COL27A1: variants seen among roughly 807,000 people sequenced by gnomAD.
COL27A1 encodes collagen alpha-1(XXVII) chain.
Under a neutral mutation model 251.3 loss-of-function variants are expected in COL27A1, and 106 were observed. That is an observed-to-expected ratio of 0.42 (90% confidence interval 0.36 to 0.50). COL27A1 has a LOEUF of 0.50. COL27A1 is among the 20% of genes least tolerant of loss of function. The pLI is 0.00. For synonymous variants in COL27A1, 1,000 were observed against 986.3 expected (o/e 1.01, Z -0.26); for missense variants, 2,325 against 2,522.8 (o/e 0.92, Z 1.68).
intron 14 of COL27A1, among the ~76,000 whole-genome samples, chr9:114,229,116 G>A (rs889942082): frequency 6.6e-5 from 10 of 152,210 alleles, no homozygotes; most frequent in South Asian, 2.1e-4. Context: ...GAGCCATGGC[G>A]CCACGCTGGG....
Position 114,205,657 on chromosome 9 carries a change from C to T in COL27A1, c.2170-102C>T, listed in dbSNP as rs1050056432. The T allele has an allele frequency of 1.4e-5, 15 of 1,052,372 alleles. No homozygotes were observed. In the African/African-American group the frequency reaches 2.2e-4, roughly 15 times the overall value. The allele number at this position is 1,052,372 out of a possible 1,614,324, so 65.2% of individuals were successfully genotyped here. A position where few individuals can be genotyped will look rare whatever the true frequency, so the allele number is the denominator to read the frequency against. ...CTCCTGTTCCATCTCACATTCCTGC[C>T]CCTCTCTTTATTCATTGTCAGCCCC... On this transcript the variant is annotated intron_variant, in intron 8 of 60. Transcript: ENST00000356083.
intron 2 of COL27A1, among the ~76,000 whole-genome samples, chr9:114,165,827 T>TATCCATCC (rs146615632): frequency 0.043 from 5,877 of 135,786 alleles, 195 homozygotes; most frequent in East Asian, 0.13. Flanking sequence ...AGGCATTATT[T>TATCCATCC]ATCCATCCAT....
At chr9:114,204,740 A>G (rs903019902) in intron 7 of COL27A1, among the ~76,000 whole-genome samples, 3 of 152,064 alleles carry the variant, frequency 2.0e-5, no homozygotes, top group African/African-American at 7.2e-5. Context: ...TCCATTGACA[A>G]ATCCTAGCCC....
chr9:114,217,378 C>A (rs757575153), intron 12 of COL27A1, among the ~76,000 whole-genome samples: 32 of 152,192 alleles, frequency 2.1e-4, no homozygotes, highest in Non-Finnish European at 4.3e-4. Context: ...AGAACTGAGG[C>A]CCCAAGAGGC....
chr9:114,308,543 G>T (rs1829223846), intron 59 of COL27A1, among the ~76,000 whole-genome samples: 2 of 152,306 alleles, frequency 1.3e-5, no homozygotes, highest in Middle Eastern at 3.4e-3. Context: ...GGACGGGGAG[G>T]TCAGACTCGA....
At chr9:114,204,728 C>T (rs950033439) in intron 7 of COL27A1, among the ~76,000 whole-genome samples, 1 of 152,128 alleles carries the variant, frequency 6.6e-6, no homozygotes, top group African/African-American at 2.4e-5. Context: ...TCAGTTTACT[C>T]CTCCATTGAC....
chr9:114,285,245 A>G (rs1240833410), intron 41 of COL27A1, among the ~76,000 whole-genome samples: 1 of 152,174 alleles, frequency 6.6e-6, no homozygotes, highest in African/African-American at 2.4e-5. Flanking sequence ...CCACCAAGGC[A>G]GAGGGGAAGG....
intron 36 of COL27A1, chr9:114,271,029 C>T (rs1835102338): frequency 6.0e-6 from 3 of 498,772 alleles, no homozygotes; most frequent in Non-Finnish European, 1.0e-5. Flanking sequence ...TGCTACCCTT[C>T]TTAAAATATC....
At position 114,250,684 on chromosome 9, in the gene COL27A1, G is replaced by A. The variant is rs1334597574; in HGVS notation, c.3033+16G>A. The stretch of plus-strand genomic sequence containing the variant: ...GGGAGAAAAGGTAAGTGGTGTTGAG[G>A]GGAAAAGATAAACAATTAGAGCTTG... On this transcript the variant is annotated intron_variant, in intron 25 of 60. Coordinates refer to ENST00000356083, the MANE Select transcript of COL27A1 (RefSeq NM_032888.4). 2 of 1,609,086 alleles carry A rather than the reference G, an allele frequency of 1.2e-6. No individual in the cohort carries two copies. Among genetic ancestry groups the A allele is most frequent in the Admixed American group, 1.7e-5 (1 of 59,918 alleles).
At chr9:114,310,244 A>AT (rs1829355031) in intron 60 of COL27A1, among the ~76,000 whole-genome samples, 1 of 152,142 alleles carries the variant, frequency 6.6e-6, no homozygotes, top group African/African-American at 2.4e-5. Flanking sequence ...ATAAATTAAA[A>AT]AATATATATA....
At position 114,169,381 on chromosome 9, in the gene COL27A1, A is replaced by G; in HGVS notation, c.1826A>G (p.Tyr609Cys). ...SSSPRPTSSG[Y>C]SIFHLAGSTP... ...AGCCCCCGGCCCACGAGCAGTGGCT[A>G]TTCGATCTTCCACCTGGCAGGATCT... The change falls in exon 3 of 61, where the codon TAT (tyrosine) becomes TGT (cysteine). Residue 609 changes from tyrosine (Y) to cysteine (C), a missense_variant. Around this residue, in one of 4 missense-constraint regions of COL27A1, gnomAD observed 1,183 missense variants for 1,144.1 expected, o/e 1.03. Coordinates refer to ENST00000356083, the MANE Select transcript of COL27A1 (RefSeq NM_032888.4). 3 of 1,610,990 alleles carry G rather than the reference A, an allele frequency of 1.9e-6. No homozygotes were observed. Among genetic ancestry groups the G allele is most frequent in the Non-Finnish European group, 2.5e-6 (3 of 1,179,088 alleles).
intron 27 of COL27A1, among the ~76,000 whole-genome samples, chr9:114,256,041 ATT>A (rs1833897077): frequency 6.6e-6 from 1 of 152,198 alleles, no homozygotes; most frequent in African/African-American, 2.4e-5. Flanking sequence ...GGTGATAACT[ATT>A]TGTTAGAGAT....
chr9:114,282,023 G>A (rs139694130), intron 37 of COL27A1, among the ~76,000 whole-genome samples: 2,242 of 152,236 alleles, frequency 0.015, 37 homozygotes, highest in Non-Finnish European at 0.02. Flanking sequence ...CTGCACCCAG[G>A]CCTCACTGTC....
Position 114,231,881 on chromosome 9 carries a change from C to T in COL27A1, c.2565+15C>T, listed in dbSNP as rs776844835. The T allele has an allele frequency of 4.3e-6, 7 of 1,612,382 alleles. No homozygotes were observed. In the Admixed American group the frequency reaches 1.2e-4, roughly 27 times the overall value. On this transcript the variant is annotated intron_variant, in intron 16 of 60. Transcript: ENST00000356083. Reference sequence around the variant, plus strand: ...AAGGTGATAAGGTGATCTGAATACTCCCTTATTGCACTGTGGTTTCTCTGC... The same window carrying T: ...AAGGTGATAAGGTGATCTGAATACTTCCTTATTGCACTGTGGTTTCTCTGC...
intron 17 of COL27A1, 23 bp from the exon 18 acceptor site, chr9:114,236,958 A>G (rs372724227): frequency 6.2e-7 from 1 of 1,613,198 alleles, no homozygotes; most frequent in East Asian, 2.2e-5. Flanking sequence ...CACTAACCCC[A>G]GCCTGCTCTG....
At chr9:114,166,295 TC>T (rs1848852134) in intron 2 of COL27A1, among the ~76,000 whole-genome samples, 2 of 124,994 alleles carry the variant, frequency 1.6e-5, no homozygotes, top group African/African-American at 6.3e-5. Flanking sequence ...ATCCATCTAT[TC>T]ATCTATTCAT....
chr9:114,264,566 C>A (rs1300081372), intron 29 of COL27A1, among the ~76,000 whole-genome samples, 158 bp downstream of exon 29: 2 of 152,198 alleles, frequency 1.3e-5, no homozygotes, highest in Non-Finnish European at 2.9e-5. Context: ...CCCTTCCACT[C>A]CTCCTGACCC....
intron 3 of COL27A1, among the ~76,000 whole-genome samples, chr9:114,170,722 G>A (rs529633163): frequency 2.4e-4 from 36 of 152,298 alleles, no homozygotes; most frequent in African/African-American, 7.5e-4. Context: ...CTCAAGTTCC[G>A]TGTTCTGAAA....
At chr9:114,243,200 C>A (rs1354030630) in intron 22 of COL27A1, among the ~76,000 whole-genome samples, 1 of 152,218 alleles carries the variant, frequency 6.6e-6, no homozygotes, top group Admixed American at 6.5e-5. Context: ...CTTCCCTGCA[C>A]CCCCCGATCA....
Sources: allele counts gnomAD v4.1 joint callset (sites outside exome capture counted in the v4.1 genomes callset), GRCh38; gene constraint gnomAD v4.1.1; regional missense constraint gnomAD v4.1.1; transcripts MANE v1.5; gene names NCBI Gene and HGNC (gene_info 2026-07-23, HGNC 2026-07-21).